CENPP: variants seen among roughly 807,000 people sequenced by gnomAD.
The protein encoded by CENPP is centromere protein P.
A neutral mutation model predicts 35.6 loss-of-function variants in CENPP; 24 were observed. The ratio of observed to expected loss-of-function variants is 0.67; its 90% confidence interval spans 0.49 to 0.95. The LOEUF (loss-of-function observed/expected upper bound fraction) is 0.95, where lower values mean the gene tolerates loss of function less well. CENPP is among the 40% of genes least tolerant of loss of function. The probability of loss-of-function intolerance (pLI) is 0.00; values close to 1 mark genes in which losing one functional copy is unlikely to be tolerated. For missense variants in CENPP, 332 were observed against 345.3 expected, an observed-to-expected ratio of 0.96 and a Z score of 0.31; for synonymous variants, 120 against 125.5, an observed-to-expected ratio of 0.96 and a Z score of 0.29.
intron 5 of CENPP, among the ~76,000 whole-genome samples, chr9:92,508,062 C>G (rs1847110868): frequency 6.6e-6 from 1 of 152,168 alleles, no homozygotes; most frequent in Admixed American, 6.5e-5. Context: ...GAGTGAGGAG[C>G]CACCCCAAGA....
chr9:92,339,492 C>T (rs1051184156), intron 3 of CENPP, among the ~76,000 whole-genome samples: 1 of 152,116 alleles, frequency 6.6e-6, no homozygotes, highest in Non-Finnish European at 1.5e-5. Context: ...TAGACCCCCT[C>T]ATTTGATGGC....
intron 5 of CENPP, among the ~76,000 whole-genome samples, chr9:92,537,450 T>G (rs756907510): frequency 2.0e-5 from 3 of 151,896 alleles, no homozygotes; most frequent in Non-Finnish European, 2.9e-5. Context: ...CACCTGAGGT[T>G]AGGAGTTTGA....
intron 3 of CENPP, among the ~76,000 whole-genome samples, chr9:92,342,358 G>A (rs1264741166): frequency 6.6e-6 from 1 of 152,154 alleles, no homozygotes. Context: ...AGCGGATGCA[G>A]GGGGAAAAAA....
rs1349435464 is a variant in CENPP, at chr9:92,481,286, C to CA, written c.564+101433dup. On this transcript the variant is annotated intron_variant, in intron 5 of 7. Coordinates refer to ENST00000375587, the MANE Select transcript of CENPP (RefSeq NM_001012267.3). ...ACTACTACACTATACTCCTTAATGC[C>CA]AAAAAACAAACTAAAAACATCAGGA... 8.5e-5 allele frequency among the ~76,000 whole-genome samples: 13 copies of CA among 152,140 alleles called. 1 individual carries two copies. The highest frequency in any genetic ancestry group is 3.1e-4 in the African/African-American group (13 of 41,432).
At position 92,613,263 on chromosome 9, in the gene CENPP, T is replaced by C; in HGVS notation, c.*114T>C. ...GAAACCACACCCTGAAGACGTGCTGTCTATGCAGTTATGGCACATTATATG... is the reference window on the plus strand; with the variant it reads ...GAAACCACACCCTGAAGACGTGCTGCCTATGCAGTTATGGCACATTATATG... On this transcript the variant is annotated 3_prime_UTR_variant, in exon 8 of 8. Coordinates refer to ENST00000375587, the MANE Select transcript of CENPP (RefSeq NM_001012267.3). The C allele has an allele frequency of 1.6e-6, 2 of 1,244,166 alleles. No individual in the cohort carries two copies. The highest frequency in any genetic ancestry group is 2.3e-6 in the Non-Finnish European group (2 of 866,774). 77.1% of individuals were successfully genotyped at this position (1,244,166 alleles called of 1,614,324 possible). A position where few individuals can be genotyped will look rare whatever the true frequency, so the allele number is the denominator to read the frequency against.
chr9:92,530,082 T>C (rs1048067537), intron 5 of CENPP, among the ~76,000 whole-genome samples: 16 of 152,164 alleles, frequency 1.1e-4, no homozygotes, highest in Admixed American at 1.0e-3. Context: ...GGAGGATATG[T>C]GTATTATATG....
chr9:92,404,976 G>T (rs1371101937), intron 5 of CENPP, among the ~76,000 whole-genome samples: 1 of 151,994 alleles, frequency 6.6e-6, no homozygotes, highest in Non-Finnish European at 1.5e-5. Flanking sequence ...TAAAAATATT[G>T]CCCTAATACC....
At chr9:92,352,505 G>GTGTGTATATATATATATATATA in intron 4 of CENPP, among the ~76,000 whole-genome samples, 4 of 49,786 alleles carry the variant, frequency 8.0e-5, no homozygotes, top group African/African-American at 5.4e-4. Context: ...GTGTGTGTGT[G>GTGTGTATATATATATATATATA]TATACATATA....
chr9:92,582,643 C>T (rs547743522), intron 5 of CENPP, among the ~76,000 whole-genome samples: 1 of 150,472 alleles, frequency 6.6e-6, no homozygotes, highest in East Asian at 1.9e-4. Flanking sequence ...AAAAAAAAGA[C>T]ACCCAACCCC....
intron 5 of CENPP, among the ~76,000 whole-genome samples, chr9:92,610,102 C>T (rs553857416): frequency 2.0e-5 from 3 of 151,758 alleles, no homozygotes; most frequent in Non-Finnish European, 4.4e-5. Context: ...GTCGCCCAGG[C>T]TGGAGTGCAG....
chr9:92,465,543 A>G lies in CENPP; in HGVS notation c.564+85684A>G, dbSNP rs376629958. On this transcript the variant is annotated intron_variant, in intron 5 of 7. Coordinates refer to ENST00000375587, the MANE Select transcript of CENPP (RefSeq NM_001012267.3). ...GAATAAATGAATTAGTATCTTGGTT[A>G]TGAATTTTGAATGGATATTATAGGG... Among the ~76,000 whole-genome samples, 11 of 152,216 alleles carry G rather than the reference A, an allele frequency of 7.2e-5. 1 individual carries two copies. In the East Asian group the frequency reaches 9.6e-4, roughly 13 times the overall value.
chr9:92,459,630 A>C (rs1845021309), intron 5 of CENPP: 1 of 1,611,880 alleles, frequency 6.2e-7, no homozygotes, highest in South Asian at 1.1e-5. Flanking sequence ...AGAATGTTTT[A>C]CCTGGAGGTA....
At chr9:92,460,988 C>T (rs1257485849) in intron 5 of CENPP, among the ~76,000 whole-genome samples, 2 of 152,142 alleles carry the variant, frequency 1.3e-5, no homozygotes, top group African/African-American at 2.4e-5. Flanking sequence ...CTGGTACCTA[C>T]TTTTTATTAA....
chr9:92,466,840 T>C (rs1845332728), intron 5 of CENPP, among the ~76,000 whole-genome samples: 1 of 152,238 alleles, frequency 6.6e-6, no homozygotes, highest in Non-Finnish European at 1.5e-5. Flanking sequence ...TACTTTCATA[T>C]GGCTAAGCCT....
At chr9:92,578,248 C>T (rs1372602061) in intron 5 of CENPP, among the ~76,000 whole-genome samples, 1 of 151,920 alleles carries the variant, frequency 6.6e-6, no homozygotes. Context: ...TGAATAATGC[C>T]GCAGTAAACA....
chr9:92,550,494 TTAAAA>T (rs747373319), intron 5 of CENPP, among the ~76,000 whole-genome samples: 19 of 152,124 alleles, frequency 1.2e-4, no homozygotes, highest in Non-Finnish European at 2.2e-4. Flanking sequence ...TTTTTGAGAA[TTAAAA>T]TAAACTGTAA....
chr9:92,417,343 A>C, intron 5 of CENPP: 1 of 1,614,054 alleles, frequency 6.2e-7, no homozygotes, highest in Non-Finnish European at 8.5e-7. Context: ...TTGATGATGG[A>C]AAGTTAGTTG....
At chr9:92,403,171 G>A (rs1843188501) in intron 5 of CENPP, 2 of 1,149,616 alleles carry the variant, frequency 1.7e-6, no homozygotes, top group Admixed American at 5.0e-5. Flanking sequence ...TTCAGGAAAA[G>A]CAAAAACATG....
intron 6 of CENPP, among the ~76,000 whole-genome samples, chr9:92,611,720 G>C (rs1023146496): frequency 6.6e-6 from 1 of 152,164 alleles, no homozygotes; most frequent in South Asian, 2.1e-4. Flanking sequence ...GAAGCCAGGG[G>C]TGAGTGGAAA....
Sources: gnomAD v4.1 joint callset for allele counts (sites outside exome capture counted in the v4.1 genomes callset) on GRCh38, gnomAD v4.1.1 for gene constraint, MANE v1.5 for transcripts, NCBI Gene and HGNC (gene_info 2026-07-23, HGNC 2026-07-21) for gene names.